The following PLXNB2 variants were observed in gnomAD, a reference collection of about 807,000 sequenced individuals.
PLXNB2 encodes the protein plexin-B2.
PLXNB2 carries 85 observed loss-of-function variants against 202.6 expected under a neutral mutation model. The ratio of observed to expected loss-of-function variants is 0.42; its 90% CI spans 0.35 to 0.50. PLXNB2 has a LOEUF of 0.50. Ranked by LOEUF, PLXNB2 falls within the 20% of genes least tolerant of loss-of-function variation. The pLI is 0.02. For missense variants in PLXNB2, 2,063 were observed against 2,586.2 expected (o/e 0.80, Z 4.39); for synonymous variants, 1,239 against 1,137.6 (o/e 1.09, Z -1.79).
At chr22:50,307,346 C>A (rs1277157676) in intron 1 of PLXNB2, among the ~76,000 whole-genome samples, 1 of 151,728 alleles carries the variant, frequency 6.6e-6, no homozygotes, top group East Asian at 1.9e-4. Context: ...GAGTCAACAC[C>A]GGGAAGGGAG....
chr22:50,287,315 C>T (rs1569170097), intron 7 of PLXNB2, 51 bp from the exon 8 acceptor site: 2 of 1,452,278 alleles, frequency 1.4e-6, no homozygotes. Context: ...TCCTGTCAGC[C>T]CACCTGCCGG....
chr22:50,278,824 T>A, intron 28 of PLXNB2, 31 bp downstream of exon 28: 1 of 1,603,342 alleles, frequency 6.2e-7, no homozygotes, highest in Non-Finnish European at 8.5e-7. Context: ...CATGGGCGCC[T>A]GTGTGCAGAC....
chr22:50,290,002 C>T lies in PLXNB2; in HGVS notation c.583G>A (p.Glu195Lys). The T allele has an allele frequency of 6.2e-7, 1 of 1,613,414 alleles. No individual in the cohort carries two copies. Among genetic ancestry groups the T allele is most frequent in the South Asian group, 1.1e-5 (1 of 91,086 alleles). Residue 195 changes from glutamate to lysine, a missense_variant, in exon 3 of 37, where the codon GAG becomes AAG. This residue lies in a region of PLXNB2 where 1,303 missense variants were observed against 1,476.8 expected (regional missense o/e 0.88). Coordinates refer to ENST00000359337, the MANE Select transcript of PLXNB2 (RefSeq NM_012401.4). ...TRLLDRTDSR[E>K]AFEAYTDHAT... is the part of the protein sequence containing the mutation. Reference sequence around the variant, plus strand: ...TGGTCCGTGTAGGCTTCAAAGGCCTCCCTGCTGTCAGTCCGGTCCAACAGC... The same window carrying T: ...TGGTCCGTGTAGGCTTCAAAGGCCTTCCTGCTGTCAGTCCGGTCCAACAGC...
chr22:50,278,261 G>A lies in PLXNB2; in HGVS notation c.4743C>T (p.Leu1581=). The change falls in exon 31 of 37, where the codon CTC becomes CTT. Residue 1581 remains leucine, a synonymous_variant. Transcript: ENST00000359337. The part of the protein sequence containing the change: ...QQDLPGERHA[L]LEEENRVWHL... ...GCCACACCCGGTTCTCCTCCTCCAGGAGGGCATGGCCTGTGGGGAGCGGGC... is the reference window on the plus strand; with the variant it reads ...GCCACACCCGGTTCTCCTCCTCCAGAAGGGCATGGCCTGTGGGGAGCGGGC... The A allele has an allele frequency of 1.2e-6, 2 of 1,610,990 alleles. No individual in the cohort carries two copies. The highest frequency in any genetic ancestry group is 1.7e-6 in the Non-Finnish European group (2 of 1,179,916).
intron 2 of PLXNB2, among the ~76,000 whole-genome samples, chr22:50,292,199 G>A (rs542037619): frequency 4.6e-5 from 7 of 151,934 alleles, no homozygotes; most frequent in African/African-American, 7.3e-5. Context: ...TTAGCCAAGC[G>A]TGCTGGCACC....
rs772714834 is a variant in PLXNB2 at position 50,285,845 on chromosome 22, G to T, written c.2043C>A (p.His681Gln). ...GPSPLVIPMN[H>Q]ETDVNFQGKN... ...TGCCCTGGAAGTTCACATCTGTCTC[G>T]TGGTTCATGGGGATCACCAGGGGGC... is the stretch of plus-strand genomic sequence containing the variant. The change falls in exon 11 of 37, where the codon CAC becomes CAA. Residue 681 changes from histidine to glutamine, a missense_variant. Coordinates refer to ENST00000359337, the MANE Select transcript of PLXNB2 (RefSeq NM_012401.4). 2 of 1,612,952 alleles carry T rather than the reference G, an allele frequency of 1.2e-6. No individual in the cohort carries two copies. Among genetic ancestry groups the T allele is most frequent in the Non-Finnish European group, 1.7e-6 (2 of 1,179,830 alleles).
chr22:50,286,660 C>G (rs1259498501), intron 8 of PLXNB2, among the ~76,000 whole-genome samples: 1 of 152,194 alleles, frequency 6.6e-6, no homozygotes, highest in Non-Finnish European at 1.5e-5. Context: ...TCCCTGCCCA[C>G]GTCACTGCGT....
Position 50,283,106 on chromosome 22 carries a change from C to T in PLXNB2, c.2760G>A (p.Leu920=), listed in dbSNP as rs766078376. The T allele has an allele frequency of 1.2e-6, 2 of 1,605,326 alleles. No individual in the cohort carries two copies. The highest frequency in any genetic ancestry group is 2.7e-5 in the African/African-American group (2 of 74,924). Residue 920 remains leucine (L), a synonymous_variant, in exon 17 of 37, where the codon CTG becomes CTA. Coordinates refer to ENST00000359337, the MANE Select transcript of PLXNB2 (RefSeq NM_012401.4). ...GCACGTCCTCCTGGGAGCCCGTGTC[C>T]AGGTGGGTGCCGTGGATGGTCAGTG... ...GTTLTIHGTH[L]DTGSQEDVRV...
In PLXNB2 at chr22:50,280,459, G is replaced by C. The variant is rs571342127; in HGVS notation, c.4175+30C>G. 222 of 1,571,850 alleles carry C rather than the reference G, an allele frequency of 1.4e-4. 1 individual carries two copies. The South Asian group carries it at 2.3e-3, about 16-fold the overall frequency. ...GAGCCCCTGCGGCCGCCCCGCCCGTGGCCCCGCTCGTGGCCCCGCCCATGT... is the reference window on the plus strand; with the variant it reads ...GAGCCCCTGCGGCCGCCCCGCCCGTCGCCCCGCTCGTGGCCCCGCCCATGT... On this transcript the variant is annotated intron_variant, in intron 25 of 36. Transcript: ENST00000359337.
At chr22:50,293,191 T>G (rs573131784) in intron 2 of PLXNB2, among the ~76,000 whole-genome samples, 1 of 152,304 alleles carries the variant, frequency 6.6e-6, no homozygotes, top group African/African-American at 2.4e-5. Context: ...TGGAGGGGGT[T>G]CTATGCCCAG....
Position 50,275,982 on chromosome 22 carries a change from G to C in PLXNB2, c.5338-19C>G, listed in dbSNP as rs1215798964. On this transcript the variant is annotated intron_variant, in intron 35 of 36. Coordinates refer to ENST00000359337, the MANE Select transcript of PLXNB2 (RefSeq NM_012401.4). The stretch of plus-strand genomic sequence containing the variant: ...TGTGCGCCTGGGGGGTGACGGGACA[G>C]TCAGGGTGGAAAAGGGGCTGTGGGA... 3 of 1,610,594 alleles carry C rather than the reference G, an allele frequency of 1.9e-6. No homozygotes were observed. The African/African-American group carries it at 4.0e-5, about 22-fold the overall frequency.
rs1229230127 is a variant in PLXNB2, at chr22:50,280,951, G to A, written c.3786C>T (p.Asp1262=). Residue 1262 remains aspartate, a synonymous_variant, in exon 24 of 37, where the codon GAC becomes GAT. Transcript: ENST00000359337. ...CGGCCTCGTGCACGTCGTTGGTCTGGTCCTCCATCTCGATCATCAGGTCTG... is the reference window on the plus strand; with the variant it reads ...CGGCCTCGTGCACGTCGTTGGTCTGATCCTCCATCTCGATCATCAGGTCTG... ...EFTDLMIEME[D]QTNDVHEAGI... 1 of 1,613,298 alleles carries A rather than the reference G, an allele frequency of 6.2e-7. No individual in the cohort carries two copies. The highest frequency in any genetic ancestry group is 2.2e-5 in the East Asian group (1 of 44,878).
In PLXNB2 at chr22:50,286,027, G is replaced by A. The variant is rs1004979336; in HGVS notation, c.1949C>T (p.Ser650Leu). The change falls in exon 10 of 37, where the codon TCG becomes TTG. Residue 650 changes from serine (S) to leucine (L), a missense_variant. Transcript: ENST00000359337. Reference protein sequence around the residue: ...DLRYHECREASPNPEDGIVRA... With the variant: ...DLRYHECREALPNPEDGIVRA... Reference sequence around the variant, plus strand: ...GACGATGCCGTCCTCAGGGTTGGGCGAAGCCTCCCGGCACTCGTGGTAGCG... The same window carrying A: ...GACGATGCCGTCCTCAGGGTTGGGCAAAGCCTCCCGGCACTCGTGGTAGCG... The A allele has an allele frequency of 1.9e-6, 3 of 1,612,304 alleles. No homozygotes were observed. Among genetic ancestry groups the A allele is most frequent in the African/African-American group, 1.3e-5 (1 of 74,954 alleles).
Position 50,276,667 on chromosome 22 carries a change from C to T in PLXNB2, c.5299G>A (p.Asp1767Asn). The T allele has an allele frequency of 2.5e-6, 4 of 1,613,770 alleles. No individual in the cohort carries two copies. Among genetic ancestry groups the T allele is most frequent in the South Asian group, 1.1e-5 (1 of 91,058 alleles). ...KGIRQMVQVSDQDMNTHLAEI... is the reference protein window; with the variant it reads ...KGIRQMVQVSNQDMNTHLAEI... ...GCCAGGTGTGTGTTCATGTCCTGGT[C>T]GCTGACCTGCACCATCTGCCGGATC... is the stretch of plus-strand genomic sequence containing the variant. The change falls in exon 35 of 37, where the codon GAC becomes AAC. Residue 1767 changes from aspartate to asparagine, a missense_variant. Physicochemically the swap from Asp to Asn is conservative, Grantham distance 23. Coordinates refer to ENST00000359337, the MANE Select transcript of PLXNB2 (RefSeq NM_012401.4).
chr22:50,299,142 C>T (rs1479349171), intron 1 of PLXNB2, among the ~76,000 whole-genome samples: 2 of 152,228 alleles, frequency 1.3e-5, no homozygotes, highest in East Asian at 1.9e-4. Context: ...AGGCAGCAGC[C>T]GCCATGAAGA....
chr22:50,307,596 C>T lies in PLXNB2; in HGVS notation c.-117G>A, dbSNP rs962946832. ...GGCTCGATGGCGCCCGGGCCGCGCTCGGCGCTGCGCTCTGGCCCGCGCTGC... is the reference window on the plus strand; with the variant it reads ...GGCTCGATGGCGCCCGGGCCGCGCTTGGCGCTGCGCTCTGGCCCGCGCTGC... On this transcript the variant is annotated 5_prime_UTR_variant, in exon 1 of 37. Transcript: ENST00000359337. 4.9e-5 allele frequency: 48 copies of T among 981,970 alleles called. No homozygotes were observed. Among genetic ancestry groups the T allele is most frequent in the Non-Finnish European group, 5.8e-5 (48 of 828,696 alleles). The allele number at this position is 981,970 out of a possible 1,614,324, so 60.8% of individuals were successfully genotyped here. A position where few individuals can be genotyped will look rare whatever the true frequency, so the allele number is the denominator to read the frequency against.
chr22:50,276,365 G>T (rs2065581190), intron 35 of PLXNB2, among the ~76,000 whole-genome samples: 2 of 151,314 alleles, frequency 1.3e-5, no homozygotes, highest in African/African-American at 4.9e-5. Flanking sequence ...TGCAGCCGCA[G>T]GGAGGGGGCG....
At chr22:50,279,131 C>T (rs950925318) in intron 27 of PLXNB2, 120 bp from the exon 28 acceptor site, 5 of 1,035,030 alleles carry the variant, frequency 4.8e-6, no homozygotes, top group African/African-American at 3.2e-5. Context: ...GCAGCAGGCC[C>T]CCGCCAGCCC....
Position 50,286,247 on chromosome 22 carries a change from G to C in PLXNB2, c.1803C>G (p.Gly601=), listed in dbSNP as rs753302295. 2.5e-6 allele frequency: 4 copies of C among 1,613,258 alleles called. No homozygotes were observed. The highest frequency in any genetic ancestry group is 3.4e-6 in the Non-Finnish European group (4 of 1,179,870). The change falls in exon 9 of 37, where the codon GGC becomes GGG. Residue 601 remains glycine, a synonymous_variant. Coordinates refer to ENST00000359337, the MANE Select transcript of PLXNB2 (RefSeq NM_012401.4). ...ACTGGTAGGACGTGAGGAAGATGTT[G>C]CCTCGTCTAAGGAGGAGCTGGATGG... The part of the protein sequence containing the change: ...AVTIQLLLRR[G]NIFLTSYQYP...
Sources: allele counts gnomAD v4.1 joint callset (sites outside exome capture counted in the v4.1 genomes callset), GRCh38; gene constraint gnomAD v4.1.1; regional missense constraint gnomAD v4.1.1; transcripts MANE v1.5; gene names NCBI Gene and HGNC (gene_info 2026-07-23, HGNC 2026-07-21).